Variants in DNM1L observed in about 807,000 individuals in gnomAD.
DNM1L encodes the protein dynamin 1L, also known as dynamin-1-like protein.
In DNM1L, 33 loss-of-function variants were observed where a neutral mutation model predicts 92.8. The ratio of observed to expected loss-of-function variants is 0.36; its 90% CI spans 0.27 to 0.48. The LOEUF (loss-of-function observed/expected upper bound fraction) is 0.48. DNM1L is among the 20% of genes least tolerant of loss of function. DNM1L has a pLI of 0.99. For synonymous variants in DNM1L, 284 were observed against 305.0 expected (o/e 0.93, Z 0.72); for missense variants, 485 against 888.8 (o/e 0.55, Z 5.78).
chr12:32,732,558 A>G (rs1467874105), intron 12 of DNM1L: 1 of 456,012 alleles, frequency 2.2e-6, no homozygotes. Context: ...TCCTTGGCTC[A>G]GGATGGTGAA....
At chr12:32,726,320 T>C in intron 9 of DNM1L, 1 of 1,357,568 alleles carries the variant, frequency 7.4e-7, no homozygotes, top group Non-Finnish European at 1.0e-6. Context: ...AGGCAGTAAG[T>C]AAGAATTGTG....
chr12:32,696,222 G>A (rs1048193969), intron 1 of DNM1L, among the ~76,000 whole-genome samples: 1 of 152,096 alleles, frequency 6.6e-6, no homozygotes, highest in African/African-American at 2.4e-5. Flanking sequence ...AAGTCACAAA[G>A]TCTCTTACCT....
intron 1 of DNM1L, among the ~76,000 whole-genome samples, chr12:32,694,303 C>T (rs1952346574): frequency 6.6e-6 from 1 of 152,000 alleles, no homozygotes; most frequent in Non-Finnish European, 1.5e-5. Flanking sequence ...CCAGGTTGGT[C>T]TCGAACTCCT....
At chr12:32,689,590 T>C (rs1395871955) in intron 1 of DNM1L, among the ~76,000 whole-genome samples, 1 of 152,218 alleles carries the variant, frequency 6.6e-6, no homozygotes, top group East Asian at 1.9e-4. Flanking sequence ...AAACCTTCTG[T>C]AAATCTAAAA....
At chr12:32,692,316 A>G (rs1168536997) in intron 1 of DNM1L, among the ~76,000 whole-genome samples, 6 of 152,134 alleles carry the variant, frequency 3.9e-5, no homozygotes, top group Admixed American at 2.6e-4. Flanking sequence ...TTTAGTTTGA[A>G]TGTCTGGAAT....
chr12:32,721,832 T>C (rs1220444585), intron 8 of DNM1L, among the ~76,000 whole-genome samples: 1 of 152,156 alleles, frequency 6.6e-6, no homozygotes, highest in African/African-American at 2.4e-5. Context: ...CCCCTTTTCA[T>C]GTTTGATGAA....
intron 5 of DNM1L, among the ~76,000 whole-genome samples, chr12:32,712,118 C>T (rs1953147878): frequency 6.6e-6 from 1 of 152,112 alleles, no homozygotes; most frequent in South Asian, 2.1e-4. Context: ...ATAGGTCGTC[C>T]TTGTGATCTC....
Position 32,740,254 on chromosome 12 carries a change from A to G in DNM1L, c.1884+14A>G, listed in dbSNP as rs1455832311. 2.5e-6 allele frequency: 4 copies of G among 1,614,202 alleles called. No individual in the cohort carries two copies. The highest frequency in any genetic ancestry group is 2.2e-5 in the East Asian group (1 of 44,884). ...CTGCTAGATGTGGTAAGCCATGACA[A>G]TTTGGTTTAGGTAATAAGGTAGGTG... On this transcript the variant is annotated intron_variant, in intron 17 of 19. Coordinates refer to ENST00000549701, the MANE Select transcript of DNM1L (RefSeq NM_012062.5).
intron 2 of DNM1L, among the ~76,000 whole-genome samples, chr12:32,703,501 C>T (rs1397823459): frequency 6.6e-6 from 1 of 151,444 alleles, no homozygotes; most frequent in Non-Finnish European, 1.5e-5. Flanking sequence ...ATCATTCTAA[C>T]CCAGAGAAAA....
At position 32,724,593 on chromosome 12, in the gene DNM1L, A is replaced by AATAT. The variant is rs869170631; in HGVS notation, c.1079+1984_1079+1987dup. Reference sequence around the variant, plus strand: ...TCTATCTCCAAAAAAAAAAAAAAAAAATATATATATATATATATATATATA... The same window carrying AATAT: ...TCTATCTCCAAAAAAAAAAAAAAAAAATATATATATATATATATATATATATATA... On this transcript the variant is annotated intron_variant, in intron 9 of 19. Transcript: ENST00000549701. 2.0e-3 allele frequency among the ~76,000 whole-genome samples: 133 copies of AATAT among 66,648 alleles called. 2 individuals are homozygous for AATAT. The highest frequency in any genetic ancestry group is 3.4e-3 in the African/African-American group (52 of 15,144). 43.7% of individuals were successfully genotyped at this position (66,648 alleles called of 152,430 possible).
intron 6 of DNM1L, among the ~76,000 whole-genome samples, chr12:32,718,225 TC>T (rs1227132595): frequency 1.3e-5 from 2 of 149,312 alleles, no homozygotes; most frequent in Non-Finnish European, 3.0e-5. Flanking sequence ...CACTGCAACC[TC>T]TGCCTCTCGG....
At chr12:32,715,960 T>C (rs560076746) in intron 6 of DNM1L, among the ~76,000 whole-genome samples, 20 of 152,338 alleles carry the variant, frequency 1.3e-4, no homozygotes, top group African/African-American at 4.6e-4. Flanking sequence ...CTACAGCAGC[T>C]TTATTCATAA....
intron 9 of DNM1L, among the ~76,000 whole-genome samples, chr12:32,726,107 G>A (rs1954123761): frequency 6.8e-6 from 1 of 147,144 alleles, no homozygotes; most frequent in Non-Finnish European, 1.5e-5. Flanking sequence ...TTTCATAGCT[G>A]TACTCCAAGA....
intron 13 of DNM1L, 149 bp downstream of exon 13, chr12:32,733,956 C>T: frequency 1.4e-6 from 1 of 691,780 alleles, no homozygotes; most frequent in Non-Finnish European, 2.5e-6. Flanking sequence ...GAGGGGATTA[C>T]ATTGTTTTCT....
intron 15 of DNM1L, 158 bp downstream of exon 15, chr12:32,738,100 G>A: frequency 2.9e-6 from 3 of 1,044,186 alleles, no homozygotes; most frequent in Non-Finnish European, 4.2e-6. Flanking sequence ...ATATAACAAT[G>A]CAATGCATAG....
At chr12:32,680,082 C>G in intron 1 of DNM1L, 2 of 879,428 alleles carry the variant, frequency 2.3e-6, no homozygotes, top group Non-Finnish European at 2.7e-6. Flanking sequence ...AAACGTGTAT[C>G]TAGAGTTCTG....
At position 32,705,869 on chromosome 12, in the gene DNM1L, C is replaced by T. The variant is rs201141677; in HGVS notation, c.251-1498C>T. ...CTCAAGACACCTTTCTAAAGGTTTC[C>T]TTTATCCATTTGCTTTTGACCCTTT... On this transcript the variant is annotated intron_variant, in intron 2 of 19. Coordinates refer to ENST00000549701, the MANE Select transcript of DNM1L (RefSeq NM_012062.5). The T allele has an allele frequency of 9.9e-5, 158 of 1,597,604 alleles. 1 individual carries two copies. In the Middle Eastern group the frequency reaches 1.2e-3, roughly 12 times the overall value.
At chr12:32,684,199 C>G (rs1951907988) in intron 1 of DNM1L, among the ~76,000 whole-genome samples, 1 of 152,168 alleles carries the variant, frequency 6.6e-6, no homozygotes, top group Non-Finnish European at 1.5e-5. Context: ...GTTTTGTCCT[C>G]CCCCAGCTTC....
intron 12 of DNM1L, among the ~76,000 whole-genome samples, chr12:32,732,156 T>G (rs1954597316): frequency 6.6e-6 from 1 of 152,236 alleles, no homozygotes; most frequent in African/African-American, 2.4e-5. Flanking sequence ...CTTCATATTT[T>G]AATCATTGTT....
Sources: gnomAD v4.1 joint callset for allele counts (sites outside exome capture counted in the v4.1 genomes callset) on GRCh38, gnomAD v4.1.1 for gene constraint, MANE v1.5 for transcripts, NCBI Gene and HGNC (gene_info 2026-07-23, HGNC 2026-07-21) for gene names.